Variants in LINC00237 observed in about 807,000 individuals in gnomAD.
The protein encoded by LINC00237 is long intergenic non-protein coding RNA 237.
chr20:21,099,201 G>A (rs1189840833), intron 1 of LINC00237, among the ~76,000 whole-genome samples: 2 of 152,218 alleles, frequency 1.3e-5, no homozygotes, highest in African/African-American at 4.8e-5. Flanking sequence ...CTGGCTGAAG[G>A]TGAAGATAGG....
intron 2 of LINC00237, among the ~76,000 whole-genome samples, chr20:21,089,077 A>ACAATGT: frequency 6.6e-6 from 1 of 151,936 alleles, no homozygotes; most frequent in South Asian, 2.1e-4. Flanking sequence ...CACAGTGAGG[A>ACAATGT]GTAGGTGTGC....
At chr20:21,086,564 A>G (rs1446277449) in intron 3 of LINC00237, among the ~76,000 whole-genome samples, 4 of 108,280 alleles carry the variant, frequency 3.7e-5, no homozygotes, top group African/African-American at 1.3e-4. Context: ...CTATATATAT[A>G]GTACATATAT....
intron 1 of LINC00237, among the ~76,000 whole-genome samples, chr20:21,102,804 T>C (rs1317543386): frequency 3.3e-5 from 5 of 152,250 alleles, no homozygotes; most frequent in African/African-American, 1.2e-4. Flanking sequence ...ACCGCAGCTC[T>C]GGCAGACTTC....
chr20:21,086,666 AC>A (rs1242747934), intron 3 of LINC00237, among the ~76,000 whole-genome samples: 3 of 125,600 alleles, frequency 2.4e-5, no homozygotes, highest in South Asian at 4.8e-4. Context: ...TGTATAGTAT[AC>A]TATATATAGT....
intron 2 of LINC00237, among the ~76,000 whole-genome samples, chr20:21,092,057 G>C (rs2030800282): frequency 6.6e-6 from 1 of 152,122 alleles, no homozygotes; most frequent in African/African-American, 2.4e-5. Flanking sequence ...ACTGGAAAAG[G>C]CTGATTAAGA....
intron 2 of LINC00237, among the ~76,000 whole-genome samples, chr20:21,088,746 A>G (rs1472516449): frequency 6.6e-6 from 1 of 152,216 alleles, no homozygotes; most frequent in Non-Finnish European, 1.5e-5. Context: ...CCTTAGAAAA[A>G]TAACAGTTTC....
At chr20:21,099,112 T>G (rs1363057332) in intron 1 of LINC00237, among the ~76,000 whole-genome samples, 1 of 152,242 alleles carries the variant, frequency 6.6e-6, no homozygotes, top group Admixed American at 6.5e-5. Context: ...TGGCTAAATC[T>G]GTGAAAGGAT....
At chr20:21,090,341 C>G (rs921455407) in intron 2 of LINC00237, 1 of 152,192 alleles carries the variant, frequency 6.6e-6, no homozygotes, top group African/African-American at 2.4e-5. Context: ...TGCTGAGAAA[C>G]TGCATTAGAT....
At position 21,101,309 on chromosome 20, in the gene LINC00237, A is replaced by G. The variant is rs2030928700; in HGVS notation, n.88+4962T>C. On this transcript the variant is annotated intron_variant and non_coding_transcript_variant, in intron 1 of 3. Transcript: ENST00000691244. The surrounding 1 kb of genome is among the most constrained non-coding windows in gnomAD (Gnocchi z 4.3). ...CGAGGGAGGGAGCGCGGGGGCCGAC[A>G]TCGAGAGGCAATCGGGGTGGGGGCA... 1 of 151,540 alleles carries G rather than the reference A, an allele frequency of 6.6e-6. No individual in the cohort carries two copies. Among genetic ancestry groups the G allele is most frequent in the Non-Finnish European group, 1.5e-5 (1 of 67,660 alleles). The allele number at this position is 151,540 out of a possible 1,614,324, so 9.4% of individuals were successfully genotyped here.
chr20:21,099,557 C>T (rs2030903372), intron 1 of LINC00237, among the ~76,000 whole-genome samples: 1 of 152,156 alleles, frequency 6.6e-6, no homozygotes, highest in East Asian at 1.9e-4. Flanking sequence ...CTTCTCTTCC[C>T]CTTCAGGTCA....
intron 1 of LINC00237, among the ~76,000 whole-genome samples, chr20:21,103,966 A>G (rs1159379391): frequency 6.6e-6 from 1 of 152,068 alleles, no homozygotes; most frequent in Non-Finnish European, 1.5e-5. Flanking sequence ...GGGAAATACA[A>G]CCCAGTTTGG....
intron 1 of LINC00237, among the ~76,000 whole-genome samples, chr20:21,096,730 C>G (rs1453266277): frequency 6.6e-6 from 1 of 152,142 alleles, no homozygotes; most frequent in Non-Finnish European, 1.5e-5. Flanking sequence ...CTGCAAGGTT[C>G]ATCTCCCCTC....
At chr20:21,100,582 C>G (rs1489629779) in intron 1 of LINC00237, among the ~76,000 whole-genome samples, 1 of 152,104 alleles carries the variant, frequency 6.6e-6, no homozygotes, top group African/African-American at 2.4e-5. Context: ...AACCGCTAAC[C>G]CCAAAAACAT....
At chr20:21,085,981 C>T (rs1033960601) in intron 3 of LINC00237, among the ~76,000 whole-genome samples, 7 of 152,138 alleles carry the variant, frequency 4.6e-5, no homozygotes, top group East Asian at 1.9e-4. Flanking sequence ...ACAGGGGTGA[C>T]GTGGAGATTA....
chr20:21,096,618 A>G (rs1175439539), intron 1 of LINC00237, among the ~76,000 whole-genome samples: 1 of 152,198 alleles, frequency 6.6e-6, no homozygotes, highest in Non-Finnish European at 1.5e-5. Flanking sequence ...GACAAGTGGA[A>G]CTATAAGCCT....
At chr20:21,093,617 A>T (rs970670340) in exon 2 of LINC00237, 2 of 152,234 alleles carry the variant, frequency 1.3e-5, no homozygotes, top group Admixed American at 6.5e-5. Flanking sequence ...AAACATGTTC[A>T]CAGGTGCTGG....
chr20:21,100,376 G>C (rs2030914801), intron 1 of LINC00237, among the ~76,000 whole-genome samples: 2 of 152,230 alleles, frequency 1.3e-5, no homozygotes, highest in African/African-American at 2.4e-5. Flanking sequence ...CTTGGGAATC[G>C]CGCGAGCCCA....
At chr20:21,089,139 T>G (rs963909643) in intron 2 of LINC00237, among the ~76,000 whole-genome samples, 7 of 151,218 alleles carry the variant, frequency 4.6e-5, no homozygotes, top group African/African-American at 1.7e-4. Context: ...TCATTGAGTT[T>G]CATATATTTC....
At chr20:21,090,662 A>C (rs541696152) in intron 2 of LINC00237, among the ~76,000 whole-genome samples, 1 of 152,232 alleles carries the variant, frequency 6.6e-6, no homozygotes, top group African/African-American at 2.4e-5. Flanking sequence ...CTTGCTGCAA[A>C]ATGAGAAAAG....
Sources: allele counts gnomAD v4.1 joint callset (sites outside exome capture counted in the v4.1 genomes callset), GRCh38; gene constraint gnomAD v4.1.1; non-coding constraint Gnocchi (gnomAD v3.1); transcripts MANE v1.5; gene names NCBI Gene and HGNC (gene_info 2026-07-23, HGNC 2026-07-21).